COL4A4: variants seen among roughly 807,000 people sequenced by gnomAD.
COL4A4 encodes collagen alpha-4(IV) chain.
COL4A4 carries 105 observed loss-of-function variants against 192.9 expected under a neutral mutation model. That is an observed-to-expected ratio of 0.54 (90% CI 0.46 to 0.64). The LOEUF (loss-of-function observed/expected upper bound fraction) is 0.64, where lower values mean the gene tolerates loss of function less well. Among genes scored for constraint, COL4A4 ranks in the 30% least tolerant of loss-of-function variants. The pLI is 0.00. For missense variants in COL4A4, 1,967 were observed against 2,169.3 expected, an observed-to-expected ratio of 0.91 and a Z score of 1.85; for synonymous variants, 762 against 769.9, an observed-to-expected ratio of 0.99 and a Z score of 0.17.
At chr2:227,143,321 A>G (rs1485763630) in intron 3 of COL4A4, among the ~76,000 whole-genome samples, 1 of 152,248 alleles carries the variant, frequency 6.6e-6, no homozygotes. Flanking sequence ...GTATGCATGA[A>G]TCAGAATAAA....
At chr2:227,059,896 C>T (rs1976461311) in intron 27 of COL4A4, among the ~76,000 whole-genome samples, 1 of 151,950 alleles carries the variant, frequency 6.6e-6, no homozygotes, top group African/African-American at 2.4e-5. Context: ...ACATAATAGA[C>T]AAATAATAGC....
chr2:226,981,596 A>T, the COL4A4 span, among the ~76,000 whole-genome samples: 1 of 150,006 alleles, frequency 6.7e-6, no homozygotes, highest in Admixed American at 6.6e-5. Context: ...ACTTTCTCTA[A>T]TGGGGAACAA....
chr2:227,052,113 C>T (rs1337471585), intron 32 of COL4A4, among the ~76,000 whole-genome samples, 192 bp downstream of exon 32: 1 of 152,014 alleles, frequency 6.6e-6, no homozygotes, highest in Non-Finnish European at 1.5e-5. Context: ...ATCGCTTGAA[C>T]CCGGGAGGCA....
chr2:227,140,279 C>T (rs748754830), intron 3 of COL4A4, 41 bp from the exon 4 acceptor site: 21 of 1,509,410 alleles, frequency 1.4e-5, no homozygotes, highest in Middle Eastern at 1.7e-4. Flanking sequence ...CAGTACTCAT[C>T]GTTTAACTAC....
At position 227,004,619 on chromosome 2, in the gene COL4A4, A is replaced by G. The variant is rs1473956689; in HGVS notation, c.*2706T>C. 1 of 152,270 alleles carries G rather than the reference A, an allele frequency of 6.6e-6. No homozygotes were observed. Among genetic ancestry groups the G allele is most frequent in the African/African-American group, 2.4e-5 (1 of 41,432 alleles). The allele number at this position is 152,270 out of a possible 1,614,324, so 9.4% of individuals were successfully genotyped here. On this transcript the variant is annotated 3_prime_UTR_variant, in exon 48 of 48. Transcript: ENST00000396625. ...AGGTGGAAAACAAAGGCTGTGTGAG[A>G]CGGGCACGGGGCTAAAGAGGAGGTA...
Position 227,075,877 on chromosome 2 carries a change from C to T in COL4A4, c.1987+2017G>A, listed in dbSNP as rs553840414. 6.6e-5 allele frequency among the ~76,000 whole-genome samples: 10 copies of T among 152,042 alleles called. No homozygotes were observed. In the South Asian group the frequency reaches 2.1e-3, roughly 32 times the overall value. Reference sequence around the variant, plus strand: ...AGAGAGCCAAATCATGAGTGAACTCCCATTCACAATTGCTACAAAGAGAAA... The same window carrying T: ...AGAGAGCCAAATCATGAGTGAACTCTCATTCACAATTGCTACAAAGAGAAA... On this transcript the variant is annotated intron_variant, in intron 25 of 47. Transcript: ENST00000396625.
At chr2:226,977,157 GC>G in the COL4A4 span, among the ~76,000 whole-genome samples, 1 of 152,154 alleles carries the variant, frequency 6.6e-6, no homozygotes, top group African/African-American at 2.4e-5. Flanking sequence ...GGAACTTGAG[GC>G]CCAGAGAAGT....
intron 4 of COL4A4, among the ~76,000 whole-genome samples, chr2:227,132,317 G>C (rs2125179008): frequency 6.6e-6 from 1 of 152,288 alleles, no homozygotes; most frequent in Middle Eastern, 3.4e-3. Flanking sequence ...AGTCTTGTCT[G>C]TCTCTCGGTT....
intron 46 of COL4A4, among the ~76,000 whole-genome samples, chr2:227,009,850 G>A (rs1385788167): frequency 1.3e-5 from 2 of 152,076 alleles, no homozygotes; most frequent in Non-Finnish European, 2.9e-5. Context: ...ATAAAGTTCT[G>A]TAATTTAAAT....
chr2:227,128,928 G>A (rs2062250637), intron 4 of COL4A4, among the ~76,000 whole-genome samples: 1 of 152,060 alleles, frequency 6.6e-6, no homozygotes, highest in Non-Finnish European at 1.5e-5. Context: ...CTTATTCCCT[G>A]CAGTTTCCAC....
chr2:227,099,553 CT>C, intron 18 of COL4A4, 66 bp downstream of exon 18: 1 of 1,426,106 alleles, frequency 7.0e-7, no homozygotes, highest in Non-Finnish European at 9.9e-7. Context: ...GGGCCAGACT[CT>C]TCTGTCCTGG....
At chr2:227,145,558 T>C (rs777142406) in intron 2 of COL4A4, among the ~76,000 whole-genome samples, 1 of 152,220 alleles carries the variant, frequency 6.6e-6, no homozygotes, top group Non-Finnish European at 1.5e-5. Context: ...ACAGCTGTGG[T>C]TAGAACTTCG....
In COL4A4 at chr2:227,102,803, AT is replaced by A; in HGVS notation, c.915del (p.Pro307GlnfsTer18). 6.2e-7 allele frequency: 1 copy of A among 1,613,578 alleles called. No individual in the cohort carries two copies. Among genetic ancestry groups the A allele is most frequent in the African/African-American group, 1.3e-5 (1 of 75,024 alleles). On this transcript the variant is annotated frameshift_variant, in exon 15 of 48. Coordinates refer to ENST00000396625, the MANE Select transcript of COL4A4 (RefSeq NM_000092.5). LOFTEE classifies it high-confidence loss of function. ...ATGATGCTTACCCGAGGCCCTGGAA[AT>A]CCAGGAATACCTTTTTCTCCTTTTG... Reference protein sequence around the residue: ...IGAKGEKGIPGFPGPRGDPGS... With the variant: ...IGAKGEKGIPXFPGPRGDPGS...
At chr2:227,021,798 C>A (rs948066965) in intron 44 of COL4A4, among the ~76,000 whole-genome samples, 2 of 151,774 alleles carry the variant, frequency 1.3e-5, no homozygotes, top group Non-Finnish European at 2.9e-5. Context: ...GCACTCCAGC[C>A]TGGGCAACAG....
At chr2:227,114,587 G>A in intron 8 of COL4A4, 41 bp downstream of exon 8, 2 of 1,544,070 alleles carry the variant, frequency 1.3e-6, no homozygotes, top group Non-Finnish European at 1.8e-6. Flanking sequence ...TACCTATTTG[G>A]AAGAAAAAAT....
chr2:227,055,630 T>C (rs1481946586), intron 30 of COL4A4, among the ~76,000 whole-genome samples: 3 of 151,496 alleles, frequency 2.0e-5, no homozygotes, highest in African/African-American at 7.3e-5. Flanking sequence ...TAACAGGGGG[T>C]AGGGATGAGA....
chr2:227,046,378 A>C lies in COL4A4; in HGVS notation c.3289+1097T>G, dbSNP rs534569184. On this transcript the variant is annotated intron_variant, in intron 35 of 47. Coordinates refer to ENST00000396625, the MANE Select transcript of COL4A4 (RefSeq NM_000092.5). ...TATGAGGTGTTTTAATTTACAAGGT[A>C]CCCATCTAAACACAAACCTGGTTTC... Among the ~76,000 whole-genome samples the C allele has an allele frequency of 5.0e-4, 76 of 152,004 alleles. 1 individual carries two copies. The South Asian group carries it at 8.5e-3, about 17-fold the overall frequency.
intron 26 of COL4A4, 115 bp from the exon 27 acceptor site, chr2:227,060,358 G>T: frequency 4.1e-6 from 3 of 733,062 alleles, no homozygotes; most frequent in Non-Finnish European, 4.6e-6. Flanking sequence ...TCTACTTTAT[G>T]GAAGTAAGGA....
In COL4A4 at chr2:227,033,404, G is replaced by T; in HGVS notation, c.3577+6C>A. On this transcript the variant is annotated splice_donor_region_variant and intron_variant, in intron 38 of 47. Transcript: ENST00000396625. ...TCAGTCTGTTACGAATCGATTAGGT[G>T]CTTACCTGAAGCACCTTTAGTTCCT... is the stretch of plus-strand genomic sequence containing the variant. 1 of 1,610,844 alleles carries T rather than the reference G, an allele frequency of 6.2e-7. No individual in the cohort carries two copies. The highest frequency in any genetic ancestry group is 1.7e-5 in the Admixed American group (1 of 60,012).
Sources: allele counts gnomAD v4.1 joint callset (sites outside exome capture counted in the v4.1 genomes callset), GRCh38; gene constraint gnomAD v4.1.1; transcripts MANE v1.5; gene names NCBI Gene and HGNC (gene_info 2026-07-23, HGNC 2026-07-21).